The following TNFRSF19 variants were observed in gnomAD, a reference collection of about 807,000 sequenced individuals.
The protein encoded by TNFRSF19 is TNF receptor superfamily member 19.
In TNFRSF19, 27 loss-of-function variants were observed where a neutral mutation model predicts 46.4. The ratio of observed to expected loss-of-function variants is 0.58; its 90% confidence interval spans 0.43 to 0.80. The LOEUF (loss-of-function observed/expected upper bound fraction) is 0.80, where lower values mean the gene tolerates loss of function less well. Ranked by LOEUF, TNFRSF19 falls within the 30% of genes least tolerant of loss-of-function variation. The pLI is 0.00. For missense variants in TNFRSF19, 511 were observed against 530.8 expected, an observed-to-expected ratio of 0.96 and a Z score of 0.37; for synonymous variants, 204 against 205.0, an observed-to-expected ratio of 1.00 and a Z score of 0.04.
intron 5 of TNFRSF19, among the ~76,000 whole-genome samples, chr13:23,644,090 G>A (rs1883181816): frequency 6.6e-6 from 1 of 152,164 alleles, no homozygotes; most frequent in African/African-American, 2.4e-5. Flanking sequence ...ATCACAAAAG[G>A]GCTGATAATT....
In TNFRSF19 at chr13:23,629,095, T is replaced by TA. The variant is rs112465656; in HGVS notation, c.445+2303_445+2304insA. Among the ~76,000 whole-genome samples, 809 of 152,132 alleles carry TA rather than the reference T, an allele frequency of 5.3e-3. 10 individuals are homozygous for TA. Among genetic ancestry groups the TA allele is most frequent in the African/African-American group, 0.018 (760 of 41,510 alleles). ...TTTCTTCCACTTTGGGCTTTTTTTT[T>TA]TTTTTAGCTCATCCACAAAGAGCTA... On this transcript the variant is annotated intron_variant, in intron 5 of 9. Coordinates refer to ENST00000248484, the MANE Select transcript of TNFRSF19 (RefSeq NM_148957.4).
At chr13:23,645,520 T>C (rs771815624) in intron 5 of TNFRSF19, among the ~76,000 whole-genome samples, 13 of 152,216 alleles carry the variant, frequency 8.5e-5, no homozygotes, top group Non-Finnish European at 1.8e-4. Flanking sequence ...CCTACTTATT[T>C]AAGAATCAGA....
intron 5 of TNFRSF19, among the ~76,000 whole-genome samples, chr13:23,650,706 A>G (rs181909509): frequency 7.2e-5 from 11 of 152,314 alleles, no homozygotes; most frequent in African/African-American, 2.4e-4. Flanking sequence ...CAGCTTCTTA[A>G]TAGTAAATCT....
intron 3 of TNFRSF19, among the ~76,000 whole-genome samples, chr13:23,613,752 C>A (rs376028589): frequency 2.0e-5 from 3 of 152,156 alleles, no homozygotes; most frequent in Admixed American, 6.5e-5. Flanking sequence ...GAGTGGGAGG[C>A]TCTCTCCTAT....
intron 5 of TNFRSF19, among the ~76,000 whole-genome samples, chr13:23,638,725 G>C (rs1477534287): frequency 6.6e-6 from 1 of 152,036 alleles, no homozygotes; most frequent in East Asian, 1.9e-4. Flanking sequence ...TTTGCTTCAG[G>C]ATCCCTCTTA....
At chr13:23,586,006 C>T (rs1476812975) in intron 1 of TNFRSF19, among the ~76,000 whole-genome samples, 1 of 151,996 alleles carries the variant, frequency 6.6e-6, no homozygotes, top group Non-Finnish European at 1.5e-5. Context: ...CGCGGTGGCT[C>T]ACGCCTGTAA....
At chr13:23,580,060 G>A (rs1403274972) in intron 1 of TNFRSF19, among the ~76,000 whole-genome samples, 2 of 152,206 alleles carry the variant, frequency 1.3e-5, no homozygotes, top group Admixed American at 6.5e-5. Flanking sequence ...GGAATTATTA[G>A]TATATTGATG....
chr13:23,640,048 G>A (rs1275875253), intron 5 of TNFRSF19, among the ~76,000 whole-genome samples: 1 of 152,120 alleles, frequency 6.6e-6, no homozygotes, highest in Non-Finnish European at 1.5e-5. Flanking sequence ...ACCTGACTAA[G>A]ACACTGTAGT....
intron 1 of TNFRSF19, among the ~76,000 whole-genome samples, chr13:23,586,777 C>T (rs1424319588): frequency 1.3e-5 from 2 of 152,180 alleles, no homozygotes; most frequent in Admixed American, 6.5e-5. Context: ...CATGTTTCCC[C>T]GCTCTGCACT....
intron 1 of TNFRSF19, among the ~76,000 whole-genome samples, chr13:23,576,743 CAAAAT>C (rs1877982071): frequency 6.6e-6 from 1 of 152,150 alleles, no homozygotes; most frequent in South Asian, 2.1e-4. Flanking sequence ...GGAATAATGA[CAAAAT>C]AAAGTGTACA....
chr13:23,603,900 A>G (rs1426505544), intron 3 of TNFRSF19, among the ~76,000 whole-genome samples: 3 of 152,122 alleles, frequency 2.0e-5, no homozygotes, highest in African/African-American at 7.2e-5. Flanking sequence ...ATCATACTTA[A>G]TGATGGAAAC....
At chr13:23,579,351 G>C (rs1878206393) in intron 1 of TNFRSF19, 1 of 152,628 alleles carries the variant, frequency 6.6e-6, no homozygotes, top group South Asian at 2.1e-4. Flanking sequence ...GGGCTCTGGG[G>C]TGGCGGCCGT....
At chr13:23,596,913 G>A (rs932911117) in intron 3 of TNFRSF19, among the ~76,000 whole-genome samples, 1 of 152,164 alleles carries the variant, frequency 6.6e-6, no homozygotes, top group African/African-American at 2.4e-5. Flanking sequence ...AGACCACAGT[G>A]CAATCAAATT....
intron 1 of TNFRSF19, among the ~76,000 whole-genome samples, chr13:23,571,469 T>G (rs2138122847): frequency 6.6e-6 from 1 of 152,340 alleles, no homozygotes; most frequent in South Asian, 2.1e-4. Context: ...TGCACTAAGT[T>G]TGGCTAAAAA....
At chr13:23,648,523 A>G (rs757172659) in intron 5 of TNFRSF19, among the ~76,000 whole-genome samples, 1 of 152,182 alleles carries the variant, frequency 6.6e-6, no homozygotes, top group Non-Finnish European at 1.5e-5. Context: ...AGGTAATGTC[A>G]TCTACACATA....
At chr13:23,611,448 A>G (rs1238237796) in intron 3 of TNFRSF19, among the ~76,000 whole-genome samples, 1 of 152,150 alleles carries the variant, frequency 6.6e-6, no homozygotes, top group Non-Finnish European at 1.5e-5. Context: ...GGCCAGGGTG[A>G]CCAGGCATCA....
At chr13:23,654,198 A>G (rs140338374) in intron 5 of TNFRSF19, among the ~76,000 whole-genome samples, 1 of 152,318 alleles carries the variant, frequency 6.6e-6, no homozygotes, top group African/African-American at 2.4e-5. Context: ...GTTTTTAAAC[A>G]TTGCATAGTA....
At chr13:23,588,439 G>T (rs1879002817) in intron 1 of TNFRSF19, among the ~76,000 whole-genome samples, 1 of 152,128 alleles carries the variant, frequency 6.6e-6, no homozygotes, top group Non-Finnish European at 1.5e-5. Flanking sequence ...TTCACAATTT[G>T]TCTGCCTTTT....
At chr13:23,624,709 T>C (rs114870588) in intron 4 of TNFRSF19, among the ~76,000 whole-genome samples, 2,200 of 152,016 alleles carry the variant, frequency 0.014, 61 homozygotes, top group African/African-American at 0.051. Context: ...ATACAGTATA[T>C]AATATACTCC....
Sources: allele counts gnomAD v4.1 joint callset (sites outside exome capture counted in the v4.1 genomes callset), GRCh38; gene constraint gnomAD v4.1.1; transcripts MANE v1.5; gene names NCBI Gene and HGNC (gene_info 2026-07-23, HGNC 2026-07-21).